Variants in ZFP64 observed in about 807,000 individuals in gnomAD.
The protein encoded by ZFP64 is ZFP64 zinc finger protein, also known as zinc finger protein 64.
In ZFP64, 14 loss-of-function variants were observed where a neutral mutation model predicts 51.6. The ratio of observed to expected loss-of-function variants is 0.27; its 90% CI spans 0.18 to 0.42. ZFP64 has a LOEUF of 0.42. Among genes scored for constraint, ZFP64 ranks in the 10% least tolerant of loss-of-function variants. The probability of loss-of-function intolerance (pLI) is 1.00; values close to 1 mark genes in which losing one functional copy is unlikely to be tolerated. For missense variants in ZFP64, 754 were observed against 906.8 expected, an observed-to-expected ratio of 0.83 and a Z score of 2.16; for synonymous variants, 375 against 361.4, an observed-to-expected ratio of 1.04 and a Z score of -0.43.
At chr20:52,158,508 C>G (rs1359242177) in intron 5 of ZFP64, among the ~76,000 whole-genome samples, 1 of 152,110 alleles carries the variant, frequency 6.6e-6, no homozygotes, top group Non-Finnish European at 1.5e-5. Context: ...GAGTTCGAGA[C>G]CAGGCTGGGC....
downstream of ZFP64, among the ~76,000 whole-genome samples, chr20:52,150,675 G>A (rs1980747732): frequency 6.6e-6 from 1 of 152,150 alleles, no homozygotes; most frequent in African/African-American, 2.4e-5. Context: ...AATAAAAGTG[G>A]TAGAAATGTA....
chr20:52,117,713 C>T, intron 5 of ZFP64: 1 of 456,124 alleles, frequency 2.2e-6, no homozygotes, highest in Non-Finnish European at 4.4e-6. Context: ...TGTGGACCAG[C>T]TGGGCCATAG....
chr20:52,118,349 C>T (rs1320304766), intron 5 of ZFP64, among the ~76,000 whole-genome samples: 5 of 152,040 alleles, frequency 3.3e-5, no homozygotes, highest in African/African-American at 1.2e-4. Flanking sequence ...ACCTGCTGGC[C>T]CCTACTGGTT....
chr20:52,151,412 T>A lies in ZFP64; in HGVS notation c.*734A>T. ...TCCTTCATGCCAACAGACTTACATG[T>A]ATAAAACATGAACACCCCCAAACTC... On this transcript the variant is annotated 3_prime_UTR_variant, in exon 6 of 6. Transcript: ENST00000216923. The A allele has an allele frequency of 1.0e-6, 1 of 985,372 alleles. No homozygotes were observed. The highest frequency in any genetic ancestry group is 1.2e-6 in the Non-Finnish European group (1 of 829,930). The allele number at this position is 985,372 out of a possible 1,614,324, so 61.0% of individuals were successfully genotyped here. A position where few individuals can be genotyped will look rare whatever the true frequency, so the allele number is the denominator to read the frequency against.
chr20:52,188,114 C>T (rs923262148), intron 1 of ZFP64, among the ~76,000 whole-genome samples: 3 of 152,052 alleles, frequency 2.0e-5, no homozygotes, highest in Non-Finnish European at 4.4e-5. Flanking sequence ...GATGGTGGGG[C>T]TTCTGCAGCC....
chr20:52,177,586 G>A (rs990913511), intron 2 of ZFP64, among the ~76,000 whole-genome samples: 17 of 152,142 alleles, frequency 1.1e-4, no homozygotes, highest in African/African-American at 4.1e-4. Flanking sequence ...TGCGGAGGAC[G>A]CGAGGGCAAA....
chr20:52,179,995 G>A (rs1205748372), intron 2 of ZFP64, among the ~76,000 whole-genome samples: 1 of 152,216 alleles, frequency 6.6e-6, no homozygotes, highest in Non-Finnish European at 1.5e-5. Flanking sequence ...TTGTGGCTTG[G>A]ACAGTGTTCC....
rs75026140 is a variant in ZFP64, at chr20:52,095,501, G to A, written c.976+1872C>T. Reference sequence around the variant, plus strand: ...TTGAGTCCCAGTAGTGACAAAGGATGCTACTTCTGGGTCGTGCCCCAAGGG... The same window carrying A: ...TTGAGTCCCAGTAGTGACAAAGGATACTACTTCTGGGTCGTGCCCCAAGGG... On this transcript the variant is annotated intron_variant, in intron 7 of 8. Transcript: ENST00000361387. Among the ~76,000 whole-genome samples, 476 of 152,316 alleles carry A rather than the reference G, an allele frequency of 3.1e-3. 4 individuals carry two copies. The highest frequency in any genetic ancestry group is 9.9e-3 in the African/African-American group (413 of 41,574).
At chr20:52,092,981 G>A (rs2078944594) in intron 7 of ZFP64, among the ~76,000 whole-genome samples, 1 of 152,102 alleles carries the variant, frequency 6.6e-6, no homozygotes, top group African/African-American at 2.4e-5. Flanking sequence ...GGAGAATTAT[G>A]CTTCCCTGTC....
chr20:52,104,843 G>T, intron 5 of ZFP64: 1 of 646,374 alleles, frequency 1.5e-6, no homozygotes. Context: ...CAGCCTCTGA[G>T]GGGTCCTCTG....
intron 5 of ZFP64, among the ~76,000 whole-genome samples, chr20:52,142,170 C>T (rs1980286008): frequency 6.6e-6 from 1 of 151,694 alleles, no homozygotes; most frequent in Admixed American, 6.6e-5. Context: ...AGTTCGAGAC[C>T]AGTCTGGCCA....
At chr20:52,088,165 C>G (rs2078884019) in intron 8 of ZFP64, 1 of 640,684 alleles carries the variant, frequency 1.6e-6, no homozygotes, top group Admixed American at 3.3e-5. Context: ...CTACTCCCAG[C>G]TGGATTCTAT....
chr20:52,105,167 C>T (rs1477796717), intron 5 of ZFP64: 1 of 1,454,486 alleles, frequency 6.9e-7, no homozygotes, highest in Admixed American at 2.7e-5. Context: ...CACCTCCGCA[C>T]ACTCCCGGCG....
In ZFP64 at chr20:52,140,171, C is replaced by T. The variant is rs116432551; in HGVS notation, c.763+19952G>A. 4.6e-3 allele frequency among the ~76,000 whole-genome samples: 707 copies of T among 152,180 alleles called. 4 individuals carry two copies. The highest frequency in any genetic ancestry group is 0.016 in the African/African-American group (678 of 41,516). On this transcript the variant is annotated intron_variant, in intron 5 of 8. Coordinates refer to the ZFP64 transcript ENST00000361387. ...CATCTCTCTCCCTCTATTTGAGCTT[C>T]CCTATTCCCTGAGACCCAACAATGT...
intron 2 of ZFP64, chr20:52,176,057 C>T: frequency 4.3e-6 from 3 of 704,442 alleles, no homozygotes; most frequent in Non-Finnish European, 5.2e-6. Context: ...CTGATTGGTG[C>T]AGTGGAAGAC....
At chr20:52,161,197 T>C (rs922318479) in intron 4 of ZFP64, among the ~76,000 whole-genome samples, 7 of 152,222 alleles carry the variant, frequency 4.6e-5, no homozygotes, top group Non-Finnish European at 7.3e-5. Context: ...TGAGCTGGTG[T>C]TTCAGTTTCA....
chr20:52,096,807 T>TG (rs2078993420), intron 7 of ZFP64: 1 of 253,336 alleles, frequency 3.9e-6, no homozygotes, highest in African/African-American at 2.2e-5. Flanking sequence ...GAGAATCACT[T>TG]GAACCTGGGA....
intron 1 of ZFP64, among the ~76,000 whole-genome samples, chr20:52,188,322 T>C (rs1984123525): frequency 7.0e-6 from 1 of 142,364 alleles, no homozygotes; most frequent in Admixed American, 6.9e-5. Context: ...TTTTTTTTTT[T>C]TTTTTTTTTT....
Position 52,152,668 on chromosome 20 carries a change from C to T in ZFP64, c.1524G>A (p.Ala508=). 1.3e-6 allele frequency: 2 copies of T among 1,540,140 alleles called. No homozygotes were observed. Among genetic ancestry groups the T allele is most frequent in the South Asian group, 1.3e-5 (1 of 79,572 alleles). Residue 508 remains alanine, a synonymous_variant, in exon 6 of 6, where the codon GCG becomes GCA. Coordinates refer to ENST00000216923, the MANE Select transcript of ZFP64 (RefSeq NM_018197.3). ...KIIVGHQVPQ[A]NTIVQAAAAA... ...CGGCGGCAGCCTGGACGATGGTGTT[C>T]GCCTGGGGCACCTGATGCCCAACGA...
Sources: allele counts gnomAD v4.1 joint callset (sites outside exome capture counted in the v4.1 genomes callset), GRCh38; gene constraint gnomAD v4.1.1; transcripts MANE v1.5; gene names NCBI Gene and HGNC (gene_info 2026-07-23, HGNC 2026-07-21).